Variants in NF1 observed in about 807,000 individuals in gnomAD.
The protein encoded by NF1 is neurofibromin.
NF1 carries 122 observed loss-of-function variants against 325.7 expected under a neutral mutation model. The observed-to-expected ratio is 0.37, with a 90% CI of 0.32 to 0.44. The LOEUF (loss-of-function observed/expected upper bound fraction) is 0.44. Ranked by LOEUF, NF1 falls within the 20% of genes least tolerant of loss-of-function variation. The pLI is 1.00. For missense variants in NF1, 2,140 were observed against 3,415.4 expected (o/e 0.63, Z 9.31); for synonymous variants, 1,091 against 1,186.0 (o/e 0.92, Z 1.65).
intron 12 of NF1, among the ~76,000 whole-genome samples, chr17:31,212,772 G>A (rs1441704455): frequency 6.6e-6 from 1 of 152,082 alleles, no homozygotes; most frequent in Non-Finnish European, 1.5e-5. Flanking sequence ...ATCAAGTATT[G>A]TATACTGTAC....
chr17:31,269,853 C>A (rs2067858988), intron 36 of NF1, among the ~76,000 whole-genome samples: 1 of 152,152 alleles, frequency 6.6e-6, no homozygotes, highest in South Asian at 2.1e-4. Context: ...GTCACTATGG[C>A]AAGGGGGATG....
At position 31,223,542 on chromosome 17, in the gene NF1, G is replaced by A. The variant is rs2144017028; in HGVS notation, c.1820G>A (p.Arg607Lys). 6.2e-7 allele frequency: 1 copy of A among 1,612,164 alleles called. No homozygotes were observed. The highest frequency in any genetic ancestry group is 8.5e-7 in the Non-Finnish European group (1 of 1,178,640). Reference sequence around the variant, plus strand: ...TGGTTGCGGGAAATATTGATCTGCAGGAATAAATTTCTTCTTAAAAATAAG... The same window carrying A: ...TGGTTGCGGGAAATATTGATCTGCAAGAATAAATTTCTTCTTAAAAATAAG... ...LKWLREILIC[R>K]NKFLLKNKQA... The change falls in exon 16 of 58, where the codon AGG becomes AAG. Residue 607 changes from arginine to lysine, a missense_variant. Physicochemically the swap from Arg to Lys is conservative, Grantham distance 26. Around this residue, in one of 10 missense-constraint regions of NF1, gnomAD observed 179 missense variants for 381.0 expected, o/e 0.47. Transcript: ENST00000358273.
chr17:31,339,956 C>A (rs1016121264), intron 46 of NF1, among the ~76,000 whole-genome samples: 1 of 152,106 alleles, frequency 6.6e-6, no homozygotes, highest in African/African-American at 2.4e-5. Context: ...AATGGAGAAG[C>A]TTTTCAAAGG....
At chr17:31,263,367 A>G (rs1301223869) in intron 35 of NF1, among the ~76,000 whole-genome samples, 2 of 152,006 alleles carry the variant, frequency 1.3e-5, no homozygotes, top group Non-Finnish European at 2.9e-5. Context: ...TTGAGGATGC[A>G]GTGAACTGTG....
intron 1 of NF1, among the ~76,000 whole-genome samples, chr17:31,135,181 C>T (rs1043098748): frequency 2.0e-5 from 3 of 152,140 alleles, no homozygotes; most frequent in South Asian, 2.1e-4. Flanking sequence ...GGAAATCTTT[C>T]ACTGAATTAG....
At chr17:31,215,913 T>A (rs1158161228) in intron 13 of NF1, among the ~76,000 whole-genome samples, 1 of 152,202 alleles carries the variant, frequency 6.6e-6, no homozygotes, top group East Asian at 1.9e-4. Context: ...AATGTGTATT[T>A]ATGAGTAATT....
chr17:31,201,184 C>G (rs368268381), intron 10 of NF1, 25 bp downstream of exon 10: 1 of 1,613,644 alleles, frequency 6.2e-7, no homozygotes, highest in Non-Finnish European at 8.5e-7. Flanking sequence ...TTTTATCTAA[C>G]TATATTTACT....
intron 1 of NF1, among the ~76,000 whole-genome samples, chr17:31,155,001 T>C (rs1393573482): frequency 1.3e-5 from 2 of 152,164 alleles, no homozygotes; most frequent in Non-Finnish European, 2.9e-5. Context: ...CCTCCGAAAG[T>C]GCTGGGATGA....
intron 30 of NF1, chr17:31,251,651 C>T (rs531967770): frequency 5.0e-5 from 10 of 198,740 alleles, no homozygotes; most frequent in Non-Finnish European, 1.0e-4. Flanking sequence ...TCTGCTTCTC[C>T]AAACTGAAGT....
At chr17:31,253,348 C>T (rs936373113) in intron 31 of NF1, 1 of 230,056 alleles carries the variant, frequency 4.3e-6, no homozygotes, top group Non-Finnish European at 8.9e-6. Context: ...ATTCTTGCTT[C>T]TTGTTTGAAG....
chr17:31,304,523 C>G, intron 36 of NF1: 2 of 1,614,156 alleles, frequency 1.2e-6, no homozygotes, highest in South Asian at 1.1e-5. Flanking sequence ...AGAGGAGATA[C>G]AATTGTCATT....
chr17:31,365,325 G>T (rs1394166238), intron 57 of NF1, among the ~76,000 whole-genome samples: 1 of 146,980 alleles, frequency 6.8e-6, no homozygotes, highest in African/African-American at 2.6e-5. Flanking sequence ...TGAATTAATA[G>T]GATCCATTTC....
At chr17:31,179,531 T>TA (rs2066086365) in intron 5 of NF1, among the ~76,000 whole-genome samples, 1 of 151,972 alleles carries the variant, frequency 6.6e-6, no homozygotes, top group Non-Finnish European at 1.5e-5. Flanking sequence ...CTGAAGGAGA[T>TA]AGAGACACGA....
At chr17:31,133,079 A>G (rs1268606183) in intron 1 of NF1, 1 of 152,212 alleles carries the variant, frequency 6.6e-6, no homozygotes, top group East Asian at 1.9e-4. Context: ...TTGTGTAACC[A>G]ATCTACAGAA....
chr17:31,201,531 T>C (rs770505797), intron 11 of NF1, 46 bp downstream of exon 11: 139 of 1,393,948 alleles, frequency 1.0e-4, no homozygotes, highest in Non-Finnish European at 1.3e-4. Context: ...ATTTTTTTCT[T>C]TCTTTTCTTT....
intron 1 of NF1, among the ~76,000 whole-genome samples, chr17:31,107,047 C>G (rs958769399): frequency 1.3e-5 from 2 of 152,064 alleles, no homozygotes; most frequent in African/African-American, 4.8e-5. Context: ...TTAATTGTTA[C>G]ATCTACTTTT....
rs1203116843 is a variant in NF1 at position 31,226,614 on chromosome 17, A to G, written c.2181A>G (p.Ser727=). ...TCCGGTGTGGGGTGGATGAAGTGTC[A>G]GTGCATAACCTCTTGCCCAACTATA... ...ADIRCGVDEV[S]VHNLLPNYNT... Residue 727 remains serine, a synonymous_variant, in exon 18 of 58, where the codon TCA becomes TCG. Transcript: ENST00000358273. The G allele has an allele frequency of 3.1e-6, 5 of 1,613,786 alleles. No individual in the cohort carries two copies.
At chr17:31,296,035 C>G (rs1178740498) in intron 36 of NF1, 2 of 1,613,952 alleles carry the variant, frequency 1.2e-6, no homozygotes, top group African/African-American at 2.7e-5. Context: ...TCCACAGAGA[C>G]CGAGGTAAGT....
intron 27 of NF1, among the ~76,000 whole-genome samples, chr17:31,235,302 C>G (rs1346341562): frequency 4.6e-5 from 7 of 152,174 alleles, no homozygotes; most frequent in African/African-American, 7.2e-5. Context: ...TGTTTCTGCT[C>G]TCTTTCATTT....
Sources: gnomAD v4.1 joint callset for allele counts (sites outside exome capture counted in the v4.1 genomes callset) on GRCh38, gnomAD v4.1.1 for gene constraint, gnomAD v4.1.1 regional missense constraint, MANE v1.5 for transcripts, NCBI Gene and HGNC (gene_info 2026-07-23, HGNC 2026-07-21) for gene names.